Variants in SPON1 observed in about 807,000 individuals in gnomAD.
The protein encoded by SPON1 is spondin 1.
SPON1 carries 52 observed loss-of-function variants against 111.7 expected under a neutral mutation model. That is an observed-to-expected ratio of 0.47 (90% CI 0.37 to 0.59). SPON1 has a LOEUF of 0.59. SPON1 is among the 20% of genes least tolerant of loss of function. The probability of loss-of-function intolerance (pLI) is 0.00; values close to 1 mark genes in which losing one functional copy is unlikely to be tolerated. For missense variants in SPON1, 957 were observed against 1,068.5 expected, an observed-to-expected ratio of 0.90 and a Z score of 1.46; for synonymous variants, 410 against 395.8, an observed-to-expected ratio of 1.04 and a Z score of -0.43.
intron 5 of SPON1, among the ~76,000 whole-genome samples, chr11:14,113,994 T>C (rs1026044034): frequency 1.4e-4 from 22 of 152,192 alleles, no homozygotes; most frequent in African/African-American, 5.3e-4. Context: ...CAATGTGAAA[T>C]AAACACATCA....
intron 6 of SPON1, among the ~76,000 whole-genome samples, chr11:14,170,554 G>C (rs1397461660): frequency 2.6e-5 from 4 of 152,028 alleles, no homozygotes; most frequent in African/African-American, 9.6e-5. Flanking sequence ...TGGTGAGATA[G>C]GGCATCCCTG....
At chr11:14,192,656 C>G (rs1358594466) in intron 6 of SPON1, among the ~76,000 whole-genome samples, 2 of 152,042 alleles carry the variant, frequency 1.3e-5, no homozygotes, top group Admixed American at 6.6e-5. Flanking sequence ...ACACATACCC[C>G]TGACTGAAAT....
chr11:14,173,885 G>A (rs1848140796), intron 6 of SPON1, among the ~76,000 whole-genome samples: 1 of 147,570 alleles, frequency 6.8e-6, no homozygotes, highest in African/African-American at 2.5e-5. Context: ...GCCGTGTGAG[G>A]TGTCAGTTCA....
chr11:14,113,386 T>G (rs572195648), intron 5 of SPON1, among the ~76,000 whole-genome samples: 3 of 152,104 alleles, frequency 2.0e-5, no homozygotes, highest in Non-Finnish European at 4.4e-5. Context: ...TGCAGTGTTC[T>G]CAGCTGCCAG....
At chr11:14,091,066 G>A (rs542770251) in intron 5 of SPON1, among the ~76,000 whole-genome samples, 2 of 152,078 alleles carry the variant, frequency 1.3e-5, no homozygotes, top group East Asian at 3.9e-4. Flanking sequence ...ACAGGGTGCT[G>A]ATTGGTGTAT....
chr11:13,980,423 T>C (rs1554909482), intron 1 of SPON1, among the ~76,000 whole-genome samples: 1 of 152,230 alleles, frequency 6.6e-6, no homozygotes, highest in African/African-American at 2.4e-5. Context: ...AATCACAGCA[T>C]GTCATTTACC....
intron 6 of SPON1, among the ~76,000 whole-genome samples, chr11:14,177,861 T>G (rs1194147156): frequency 6.6e-6 from 1 of 152,186 alleles, no homozygotes; most frequent in African/African-American, 2.4e-5. Flanking sequence ...TCAGTTAAGT[T>G]AGATCTGTTT....
In SPON1 at chr11:13,978,852, T is replaced by G. The variant is rs371698005; in HGVS notation, c.239-3995T>G. On this transcript the variant is annotated intron_variant, in intron 1 of 15. Coordinates refer to ENST00000576479, the MANE Select transcript of SPON1 (RefSeq NM_006108.4). Reference sequence around the variant, plus strand: ...TAGAGAGTGAATCCAAGGATTGAAATGTAGTATGGCAGGGGAATGGGAGCA... The same window carrying G: ...TAGAGAGTGAATCCAAGGATTGAAAGGTAGTATGGCAGGGGAATGGGAGCA... Among the ~76,000 whole-genome samples the G allele has an allele frequency of 9.9e-5, 15 of 152,124 alleles. No homozygotes were observed. In the East Asian group the frequency reaches 2.9e-3, roughly 29 times the overall value.
intron 6 of SPON1, among the ~76,000 whole-genome samples, chr11:14,188,709 A>T (rs1366335650): frequency 6.6e-6 from 1 of 152,136 alleles, no homozygotes; most frequent in African/African-American, 2.4e-5. Flanking sequence ...CCCGCTTTCT[A>T]GTAGTGACTC....
intron 7 of SPON1, among the ~76,000 whole-genome samples, chr11:14,251,890 C>T (rs1849056954): frequency 6.6e-6 from 1 of 152,226 alleles, no homozygotes; most frequent in Non-Finnish European, 1.5e-5. Flanking sequence ...AGAAAATGCA[C>T]ACGTGGGAAA....
intron 6 of SPON1, among the ~76,000 whole-genome samples, chr11:14,170,460 C>T (rs1411330643): frequency 6.6e-6 from 1 of 152,122 alleles, no homozygotes; most frequent in African/African-American, 2.4e-5. Flanking sequence ...ATTTGACTTC[C>T]TCTTTTCCTA....
intron 5 of SPON1, among the ~76,000 whole-genome samples, chr11:14,105,646 A>G (rs1434832151): frequency 1.3e-5 from 2 of 152,090 alleles, no homozygotes; most frequent in African/African-American, 4.8e-5. Flanking sequence ...AACATTTTCA[A>G]TGGTTCCAGT....
chr11:14,023,145 A>C (rs990337459), intron 2 of SPON1, among the ~76,000 whole-genome samples: 3 of 152,162 alleles, frequency 2.0e-5, no homozygotes, highest in African/African-American at 7.2e-5. Flanking sequence ...GGCAGGGACC[A>C]GATTAGGTGG....
At chr11:13,984,627 C>T (rs1288092319) in intron 2 of SPON1, among the ~76,000 whole-genome samples, 1 of 152,202 alleles carries the variant, frequency 6.6e-6, no homozygotes, top group Non-Finnish European at 1.5e-5. Context: ...TAGGCCCTAC[C>T]TCTCAACACT....
chr11:14,136,431 C>T (rs1392806094), intron 6 of SPON1, among the ~76,000 whole-genome samples: 2 of 152,226 alleles, frequency 1.3e-5, no homozygotes, highest in Admixed American at 1.3e-4. Flanking sequence ...GGCTGTTGCC[C>T]TCCCTGTGCT....
chr11:14,119,403 T>A (rs1283421331), intron 5 of SPON1, among the ~76,000 whole-genome samples: 1 of 152,150 alleles, frequency 6.6e-6, no homozygotes. Flanking sequence ...TTCCAGAATT[T>A]TCTACTAGCA....
intron 4 of SPON1, 74 bp downstream of exon 4, chr11:14,075,492 G>A: frequency 8.6e-7 from 1 of 1,157,732 alleles, no homozygotes; most frequent in Non-Finnish European, 1.2e-6. Context: ...TCCTCCTGCT[G>A]CAAGAATTAA....
chr11:14,101,934 C>T (rs1849147003), intron 5 of SPON1, among the ~76,000 whole-genome samples: 1 of 152,200 alleles, frequency 6.6e-6, no homozygotes, highest in Non-Finnish European at 1.5e-5. Flanking sequence ...CCAGATTCCA[C>T]AGTTGTTAAC....
At chr11:14,196,402 A>G (rs1848402649) in intron 6 of SPON1, among the ~76,000 whole-genome samples, 1 of 152,194 alleles carries the variant, frequency 6.6e-6, no homozygotes, top group South Asian at 2.1e-4. Context: ...TATTGCGGTG[A>G]TGTTTACACA....
Sources: gnomAD v4.1 joint callset for allele counts (sites outside exome capture counted in the v4.1 genomes callset) on GRCh38, gnomAD v4.1.1 for gene constraint, MANE v1.5 for transcripts, NCBI Gene and HGNC (gene_info 2026-07-23, HGNC 2026-07-21) for gene names.